Variants in IGSF10 observed in about 807,000 individuals in gnomAD.
IGSF10 encodes the protein calvaria mechanical force protein 608.
Under a neutral mutation model 128.2 loss-of-function variants are expected in IGSF10, and 126 were observed. The observed-to-expected ratio is 0.98, with a 90% CI of 0.85 to 1.14. The LOEUF is 1.14. IGSF10 is among the 50% of genes most tolerant of loss of function. IGSF10 has a pLI of 0.00. For synonymous variants in IGSF10, 1,185 were observed against 1,146.2 expected (o/e 1.03, Z -0.68); for missense variants, 3,295 against 3,149.8 (o/e 1.05, Z -1.10).
intron 7 of IGSF10, among the ~76,000 whole-genome samples, chr3:151,441,770 T>C (rs1198765148): frequency 6.6e-6 from 1 of 152,082 alleles, no homozygotes; most frequent in Non-Finnish European, 1.5e-5. Context: ...AGCTATAAAA[T>C]GAATATTGAG....
chr3:151,555,067 C>T, the IGSF10 span, among the ~76,000 whole-genome samples: 2 of 152,048 alleles, frequency 1.3e-5, no homozygotes, highest in Admixed American at 6.6e-5. Flanking sequence ...CAAGCATAGG[C>T]TTTAAAGTGG....
At chr3:151,488,726 G>A in the IGSF10 span, among the ~76,000 whole-genome samples, 1 of 152,128 alleles carries the variant, frequency 6.6e-6, no homozygotes, top group Non-Finnish European at 1.5e-5. Context: ...AATGGGGAAA[G>A]GATTCCTTAT....
At position 151,448,062 on chromosome 3, in the gene IGSF10, T is replaced by C. The variant is rs1721304738; in HGVS notation, c.1919A>G (p.Gln640Arg). The C allele has an allele frequency of 1.2e-6, 2 of 1,614,220 alleles. No individual in the cohort carries two copies. The highest frequency in any genetic ancestry group is 2.2e-5 in the East Asian group (1 of 44,886). Residue 640 changes from glutamine to arginine, a missense_variant, in exon 6 of 8, where the codon CAA (glutamine) becomes CGA (arginine). By Grantham distance (43) the Gln-to-Arg change is conservative (BLOSUM62 1). Coordinates refer to ENST00000282466, the MANE Select transcript of IGSF10 (RefSeq NM_178822.5). ...LRILQVTPKD[Q>R]GYYRCVAANP... ...GGCTGCCACACAGCGATAATAACCT[T>C]GGTCTTTCGGGGTGACCTGTAATAT...
chr3:151,535,231 C>G, the IGSF10 span, among the ~76,000 whole-genome samples: 121 of 152,112 alleles, frequency 8.0e-4, no homozygotes, highest in African/African-American at 2.8e-3. Flanking sequence ...ACCACAGAAA[C>G]TTATTTTTGA....
the IGSF10 span, among the ~76,000 whole-genome samples, chr3:151,521,048 A>C: frequency 6.6e-6 from 1 of 151,934 alleles, no homozygotes; most frequent in Non-Finnish European, 1.5e-5. Flanking sequence ...TTACCAAGCA[A>C]ATGGAAAACA....
At chr3:151,558,952 C>T in the IGSF10 span, among the ~76,000 whole-genome samples, 1 of 152,110 alleles carries the variant, frequency 6.6e-6, no homozygotes, top group East Asian at 1.9e-4. Flanking sequence ...AATGCTGAAG[C>T]CAAAGTTGGC....
At chr3:151,562,309 A>G in the IGSF10 span, among the ~76,000 whole-genome samples, 1 of 152,120 alleles carries the variant, frequency 6.6e-6, no homozygotes, top group Admixed American at 6.6e-5. Context: ...AATATTAATA[A>G]TCCACCCCTT....
the IGSF10 span, among the ~76,000 whole-genome samples, chr3:151,514,285 G>A: frequency 6.6e-6 from 1 of 151,872 alleles, no homozygotes; most frequent in Admixed American, 6.6e-5. Context: ...TAAACCAATG[G>A]AACAGAACAG....
At chr3:151,523,606 C>T in the IGSF10 span, among the ~76,000 whole-genome samples, 1 of 152,092 alleles carries the variant, frequency 6.6e-6, no homozygotes, top group Non-Finnish European at 1.5e-5. Flanking sequence ...GGATAACTGG[C>T]CAGCCATATG....
At chr3:151,458,745 T>C in intron 2 of IGSF10, 35 bp from the exon 3 acceptor site, 1 of 1,574,124 alleles carries the variant, frequency 6.4e-7, no homozygotes, top group Non-Finnish European at 8.7e-7. Context: ...TTATAAAGAG[T>C]GGTGGAGCAA....
chr3:151,446,015 A>C lies in IGSF10; in HGVS notation c.3966T>G (p.Thr1322=), dbSNP rs757251451. ...TGATGACAGATGCAGGGAAGGTAGG[A>C]GTTGTTGCTGGTATTGCTGTTTGCG... ...ISTQTAIPAT[T]PTFPASVITY... is the part of the protein sequence containing the mutation. Residue 1322 remains threonine, a synonymous_variant, in exon 6 of 8, where the codon ACT becomes ACG. Transcript: ENST00000282466. 6.2e-7 allele frequency: 1 copy of C among 1,613,756 alleles called. No individual in the cohort carries two copies. Among genetic ancestry groups the C allele is most frequent in the Admixed American group, 1.7e-5 (1 of 59,980 alleles).
Position 151,446,015 on chromosome 3 carries a change from A to G in IGSF10, c.3966T>C (p.Thr1322=). ...TGATGACAGATGCAGGGAAGGTAGG[A>G]GTTGTTGCTGGTATTGCTGTTTGCG... ...ISTQTAIPAT[T]PTFPASVITY... The change falls in exon 6 of 8, where the codon ACT becomes ACC. Residue 1322 remains threonine (T), a synonymous_variant. Coordinates refer to ENST00000282466, the MANE Select transcript of IGSF10 (RefSeq NM_178822.5). 6.2e-7 allele frequency: 1 copy of G among 1,613,756 alleles called. No individual in the cohort carries two copies. The highest frequency in any genetic ancestry group is 2.2e-5 in the East Asian group (1 of 44,876).
chr3:151,535,359 C>G, the IGSF10 span, among the ~76,000 whole-genome samples: 1 of 152,134 alleles, frequency 6.6e-6, no homozygotes, highest in Non-Finnish European at 1.5e-5. Context: ...AATGCAGAAA[C>G]AGAAAACCAA....
At chr3:151,441,887 C>A (rs1022017477) in intron 7 of IGSF10, among the ~76,000 whole-genome samples, 69 of 152,212 alleles carry the variant, frequency 4.5e-4, no homozygotes, top group Non-Finnish European at 2.2e-4. Flanking sequence ...TGGTGAAACT[C>A]CGTCTCTACT....
the IGSF10 span, among the ~76,000 whole-genome samples, chr3:151,499,011 A>G: frequency 1.3e-5 from 2 of 152,084 alleles, no homozygotes; most frequent in Non-Finnish European, 2.9e-5. Context: ...CTTAATATGC[A>G]AAGGAAGCCA....
chr3:151,585,737 A>G, the IGSF10 span, among the ~76,000 whole-genome samples: 1 of 151,998 alleles, frequency 6.6e-6, no homozygotes, highest in East Asian at 1.9e-4. Context: ...GATATAATAT[A>G]TTTTATTTGT....
chr3:151,611,566 C>T, the IGSF10 span, among the ~76,000 whole-genome samples: 2 of 152,122 alleles, frequency 1.3e-5, no homozygotes, highest in Non-Finnish European at 2.9e-5. Flanking sequence ...TCTTTTTCCC[C>T]ATGGATTTCT....
the IGSF10 span, among the ~76,000 whole-genome samples, chr3:151,618,879 A>G: frequency 6.6e-6 from 1 of 151,328 alleles, no homozygotes; most frequent in Admixed American, 6.6e-5. Flanking sequence ...TTTTTCATAT[A>G]TTTTGTAAAT....
the IGSF10 span, among the ~76,000 whole-genome samples, chr3:151,511,016 T>G: frequency 1.4e-4 from 22 of 152,156 alleles, no homozygotes; most frequent in Non-Finnish European, 2.8e-4. Flanking sequence ...ATGCGGAGAA[T>G]GGAACCCAGT....
Sources: allele counts gnomAD v4.1 joint callset (sites outside exome capture counted in the v4.1 genomes callset), GRCh38; gene constraint gnomAD v4.1.1; transcripts MANE v1.5; gene names NCBI Gene and HGNC (gene_info 2026-07-23, HGNC 2026-07-21).